Variants in SOX6 observed in about 807,000 individuals in gnomAD.
SOX6 encodes transcription factor SOX-6.
SOX6 carries 11 observed loss-of-function variants against 97.8 expected under a neutral mutation model. That is an observed-to-expected ratio of 0.11 (90% CI 0.07 to 0.19). SOX6 has a LOEUF of 0.19. Ranked by LOEUF, SOX6 falls within the 10% of genes least tolerant of loss-of-function variation. The probability of loss-of-function intolerance (pLI) is 1.00; values close to 1 mark genes in which losing one functional copy is unlikely to be tolerated. For missense variants in SOX6, 810 were observed against 1,039.5 expected, an observed-to-expected ratio of 0.78 and a Z score of 3.04; for synonymous variants, 360 against 371.4, an observed-to-expected ratio of 0.97 and a Z score of 0.35.
At chr11:16,177,451 T>C (rs953610268) in intron 6 of SOX6, among the ~76,000 whole-genome samples, 4 of 151,998 alleles carry the variant, frequency 2.6e-5, no homozygotes, top group Non-Finnish European at 4.4e-5. Context: ...ACTTTTTCTT[T>C]TGGTGTATAT....
At chr11:16,238,105 T>A (rs935630798) in intron 3 of SOX6, among the ~76,000 whole-genome samples, 3 of 152,034 alleles carry the variant, frequency 2.0e-5, no homozygotes, top group Non-Finnish European at 4.4e-5. Context: ...TTCAATGAAA[T>A]GCAGGACTTT....
At chr11:16,567,608 G>A (rs1217516771) in intron 4 of SOX6, among the ~76,000 whole-genome samples, 5 of 121,078 alleles carry the variant, frequency 4.1e-5, no homozygotes, top group South Asian at 2.5e-4. Flanking sequence ...TCGCTCTGTC[G>A]CCCAGGCTGG....
intron 4 of SOX6, among the ~76,000 whole-genome samples, chr11:16,198,443 G>A (rs568088598): frequency 7.2e-5 from 11 of 151,882 alleles, no homozygotes; most frequent in African/African-American, 2.4e-4. Flanking sequence ...ACTTTCTAAC[G>A]TAACTTTAAA....
intron 1 of SOX6, among the ~76,000 whole-genome samples, chr11:16,390,781 T>C (rs528184285): frequency 4.6e-5 from 7 of 152,208 alleles, no homozygotes; most frequent in Non-Finnish European, 1.0e-4. Flanking sequence ...GAAGAAAATG[T>C]GGCGATGCCT....
intron 12 of SOX6, among the ~76,000 whole-genome samples, chr11:16,038,677 T>G (rs74728379): frequency 0.014 from 2,120 of 152,266 alleles, 44 homozygotes; most frequent in African/African-American, 0.049. Flanking sequence ...CCACTTCACA[T>G]GTCTAATACT....
intron 9 of SOX6, among the ~76,000 whole-genome samples, chr11:16,079,514 C>A (rs943098776): frequency 6.6e-5 from 10 of 151,758 alleles, no homozygotes; most frequent in African/African-American, 2.2e-4. Context: ...AAAAATCATG[C>A]TAATGAACAA....
intron 4 of SOX6, among the ~76,000 whole-genome samples, chr11:16,525,067 T>G (rs998735926): frequency 6.6e-5 from 10 of 152,276 alleles, no homozygotes; most frequent in African/African-American, 2.4e-4. Context: ...CAAGGTAATT[T>G]ATAGATTCAA....
intron 1 of SOX6, among the ~76,000 whole-genome samples, chr11:16,435,321 G>A (rs995966861): frequency 6.6e-6 from 1 of 152,014 alleles, no homozygotes; most frequent in African/African-American, 2.4e-5. Context: ...TTTTTAATTG[G>A]TTCTATATCT....
intron 3 of SOX6, among the ~76,000 whole-genome samples, chr11:16,283,230 A>T (rs1248631378): frequency 6.7e-6 from 1 of 149,952 alleles, no homozygotes; most frequent in African/African-American, 2.4e-5. Context: ...TAGATGACTC[A>T]AATAGTATTC....
intron 10 of SOX6, among the ~76,000 whole-genome samples, chr11:16,055,156 CTT>C: frequency 6.6e-6 from 1 of 152,164 alleles, no homozygotes; most frequent in Non-Finnish European, 1.5e-5. Context: ...CATGTTAAGA[CTT>C]TTCATATTTA....
intron 4 of SOX6, among the ~76,000 whole-genome samples, chr11:16,547,786 T>C (rs1033332867): frequency 6.6e-6 from 1 of 152,160 alleles, no homozygotes; most frequent in East Asian, 1.9e-4. Context: ...GATTGAAATG[T>C]TCCCAATACA....
At chr11:16,592,822 T>A (rs1848168585) in intron 4 of SOX6, among the ~76,000 whole-genome samples, 1 of 152,124 alleles carries the variant, frequency 6.6e-6, no homozygotes, top group Admixed American at 6.6e-5. Context: ...GTGGCAAGGC[T>A]AATGGAAATC....
intron 1 of SOX6, among the ~76,000 whole-genome samples, chr11:16,456,522 A>G (rs1447745164): frequency 6.6e-6 from 1 of 152,174 alleles, no homozygotes; most frequent in Non-Finnish European, 1.5e-5. Context: ...CTGTAGTGAA[A>G]GGAGCAGATG....
chr11:16,176,427 T>TA (rs905878885), intron 6 of SOX6, among the ~76,000 whole-genome samples: 2 of 151,622 alleles, frequency 1.3e-5, no homozygotes, highest in Non-Finnish European at 2.9e-5. Context: ...AAGGTAGTTA[T>TA]AAAAAAAAGT....
rs545901197 is a variant in SOX6 at position 16,484,411 on chromosome 11, G to T, written n.610-8023C>A. 29 of 789,664 alleles carry T rather than the reference G, an allele frequency of 3.7e-5. No individual in the cohort carries two copies. The East Asian group carries it at 6.8e-4, about 19-fold the overall frequency. 48.9% of individuals were successfully genotyped at this position (789,664 alleles called of 1,614,324 possible). On this transcript the variant is annotated intron_variant and non_coding_transcript_variant, in intron 4 of 5. Transcript: ENST00000524520. ...TCTTCTGGCAGGCTCCTTTAACCAGGCCCTTCTCATGGTACATGCACCACA... is the reference window on the plus strand; with the variant it reads ...TCTTCTGGCAGGCTCCTTTAACCAGTCCCTTCTCATGGTACATGCACCACA...
chr11:16,703,111 A>G (rs1467362598), intron 3 of SOX6, among the ~76,000 whole-genome samples: 1 of 151,858 alleles, frequency 6.6e-6, no homozygotes, highest in African/African-American at 2.4e-5. Flanking sequence ...TTGTACTTTA[A>G]TAAGTTACAT....
chr11:16,010,282 G>A (rs1667480076), intron 13 of SOX6, among the ~76,000 whole-genome samples: 1 of 151,944 alleles, frequency 6.6e-6, no homozygotes, highest in Admixed American at 6.6e-5. Context: ...AGTCCCAAAA[G>A]AGGGTATTCT....
intron 1 of SOX6, 56 bp from the exon 2 acceptor site, chr11:16,341,308 C>T: frequency 6.3e-7 from 1 of 1,595,690 alleles, no homozygotes; most frequent in Non-Finnish European, 8.5e-7. Context: ...AACCATAAAC[C>T]AATCCTTGCA....
intron 3 of SOX6, among the ~76,000 whole-genome samples, chr11:16,618,817 C>A (rs1848503726): frequency 6.6e-6 from 1 of 152,008 alleles, no homozygotes; most frequent in Non-Finnish European, 1.5e-5. Context: ...TCATAAAGTC[C>A]TCAAAAACTC....
Sources: allele counts gnomAD v4.1 joint callset (sites outside exome capture counted in the v4.1 genomes callset), GRCh38; gene constraint gnomAD v4.1.1; transcripts MANE v1.5; gene names NCBI Gene and HGNC (gene_info 2026-07-23, HGNC 2026-07-21).